The following ANKH variants were observed in gnomAD, a reference collection of about 807,000 sequenced individuals.
ANKH encodes the protein mineralization regulator ANKH.
ANKH carries 15 observed loss-of-function variants against 49.0 expected under a neutral mutation model. That is an observed-to-expected ratio of 0.31 (90% confidence interval 0.20 to 0.47). The LOEUF is 0.47. Ranked by LOEUF, ANKH falls within the 20% of genes least tolerant of loss-of-function variation. The probability of loss-of-function intolerance (pLI) is 1.00; values close to 1 mark genes in which losing one functional copy is unlikely to be tolerated. For synonymous variants in ANKH, 273 were observed against 260.0 expected (o/e 1.05, Z -0.48); for missense variants, 429 against 652.0 (o/e 0.66, Z 3.72).
chr5:14,847,801 C>A (rs557513875), intron 1 of ANKH, among the ~76,000 whole-genome samples: 2 of 152,300 alleles, frequency 1.3e-5, no homozygotes, highest in African/African-American at 4.8e-5. Flanking sequence ...TTACGAGACA[C>A]TAGGAAAATG....
intron 1 of ANKH, among the ~76,000 whole-genome samples, chr5:14,799,001 A>T (rs796883827): frequency 3.3e-5 from 5 of 152,364 alleles, no homozygotes; most frequent in African/African-American, 1.2e-4. Context: ...CAAGTTGTGC[A>T]TGTAGAGGGA....
At chr5:14,715,855 C>T (rs1456366904) in intron 9 of ANKH, among the ~76,000 whole-genome samples, 2 of 152,242 alleles carry the variant, frequency 1.3e-5, no homozygotes, top group South Asian at 2.1e-4. Context: ...GGTATAATAA[C>T]TTTCCAACTG....
At chr5:14,813,303 T>C (rs1361902551) in intron 1 of ANKH, among the ~76,000 whole-genome samples, 1 of 151,364 alleles carries the variant, frequency 6.6e-6, no homozygotes, top group Non-Finnish European at 1.5e-5. Context: ...CTCAATGCAG[T>C]AAAGGTTTTG....
At chr5:14,721,634 A>G (rs1382210495) in intron 8 of ANKH, among the ~76,000 whole-genome samples, 3 of 152,210 alleles carry the variant, frequency 2.0e-5, no homozygotes, top group Non-Finnish European at 2.9e-5. Context: ...CATTTAACTT[A>G]TAAGTGGATA....
At chr5:14,818,930 T>A (rs1348656282) in intron 1 of ANKH, among the ~76,000 whole-genome samples, 1 of 152,196 alleles carries the variant, frequency 6.6e-6, no homozygotes, top group Admixed American at 6.5e-5. Context: ...GAAGAGCTAC[T>A]TTTGAAAAAA....
intron 1 of ANKH, among the ~76,000 whole-genome samples, chr5:14,833,230 AT>A (rs1265697901): frequency 2.0e-5 from 3 of 152,182 alleles, no homozygotes; most frequent in African/African-American, 7.2e-5. Context: ...ATTGCCATAT[AT>A]TTTGGAAGTT....
intron 1 of ANKH, among the ~76,000 whole-genome samples, chr5:14,866,136 AG>A (rs1735637847): frequency 6.6e-6 from 1 of 152,178 alleles, no homozygotes. Context: ...CCTCCCAAGT[AG>A]CTGGGATTAC....
intron 1 of ANKH, among the ~76,000 whole-genome samples, chr5:14,855,430 T>G (rs1304406238): frequency 6.6e-6 from 1 of 152,226 alleles, no homozygotes; most frequent in Non-Finnish European, 1.5e-5. Context: ...AACAAATTCA[T>G]GAATATACTC....
intron 1 of ANKH, among the ~76,000 whole-genome samples, chr5:14,791,204 T>C (rs970825062): frequency 6.6e-6 from 1 of 152,180 alleles, no homozygotes; most frequent in Non-Finnish European, 1.5e-5. Context: ...TGTGTTATCT[T>C]AGGCCCCTTC....
At chr5:14,718,977 T>TAA (rs1737578611) in intron 8 of ANKH, among the ~76,000 whole-genome samples, 3 of 149,836 alleles carry the variant, frequency 2.0e-5, no homozygotes, top group African/African-American at 7.4e-5. Flanking sequence ...AGAAGAGAGT[T>TAA]AAAGAAACAA....
At chr5:14,833,785 A>T (rs1741576533) in intron 1 of ANKH, among the ~76,000 whole-genome samples, 1 of 152,216 alleles carries the variant, frequency 6.6e-6, no homozygotes, top group Non-Finnish European at 1.5e-5. Flanking sequence ...GCATAGTTAC[A>T]TCCCCTTATG....
At chr5:14,807,254 A>G (rs1450280013) in intron 1 of ANKH, among the ~76,000 whole-genome samples, 2 of 151,810 alleles carry the variant, frequency 1.3e-5, no homozygotes, top group Non-Finnish European at 2.9e-5. Context: ...AGCTGGGACT[A>G]TAGGCACACA....
intron 1 of ANKH, among the ~76,000 whole-genome samples, chr5:14,830,473 T>G (rs956758760): frequency 6.6e-6 from 1 of 151,846 alleles, no homozygotes; most frequent in African/African-American, 2.4e-5. Context: ...AGTTATTCCC[T>G]GATGGCTTGG....
chr5:14,843,549 GAAAAAAAAAA>G (rs60487783), intron 1 of ANKH, among the ~76,000 whole-genome samples: 1 of 61,034 alleles, frequency 1.6e-5, no homozygotes, highest in Non-Finnish European at 2.9e-5. Flanking sequence ...GGGGATTAGC[GAAAAAAAAAA>G]AAAAAAAAAA....
rs372301335 is a variant in ANKH at position 14,716,492 on chromosome 5, C to CAATAAATA, written c.1141+206_1141+213dup. 0.014 allele frequency among the ~76,000 whole-genome samples: 2,078 copies of CAATAAATA among 151,546 alleles called. 62 individuals are homozygous for CAATAAATA. Among genetic ancestry groups the CAATAAATA allele is most frequent in the African/African-American group, 0.048 (1,979 of 41,208 alleles). On this transcript the variant is annotated intron_variant, in intron 9 of 11. Coordinates refer to ENST00000284268, the MANE Select transcript of ANKH (RefSeq NM_054027.6). ...GGGTGACGGAATGAAACTCTGTCTCCAATAAATAAATAAATAAATAAATAA... is the reference window on the plus strand; with the variant it reads ...GGGTGACGGAATGAAACTCTGTCTCCAATAAATAAATAAATAAATAAATAAATAAATAA...
chr5:14,733,248 TG>T (rs1231492399), intron 8 of ANKH, among the ~76,000 whole-genome samples: 2 of 152,202 alleles, frequency 1.3e-5, no homozygotes, highest in Admixed American at 1.3e-4. Context: ...AGCCTTGTAC[TG>T]GGCTCAGAAG....
chr5:14,849,950 G>A (rs1341873000), intron 1 of ANKH, among the ~76,000 whole-genome samples: 1 of 152,102 alleles, frequency 6.6e-6, no homozygotes, highest in African/African-American at 2.4e-5. Context: ...TCCCTAGGAT[G>A]CACCCTCCAG....
chr5:14,776,078 C>T (rs1040740956), intron 1 of ANKH, among the ~76,000 whole-genome samples: 3 of 152,196 alleles, frequency 2.0e-5, no homozygotes, highest in African/African-American at 4.8e-5. Flanking sequence ...ATGCTTCCCA[C>T]GTTTCTTCCC....
chr5:14,832,516 A>T (rs1252246690), intron 1 of ANKH, among the ~76,000 whole-genome samples: 1 of 152,258 alleles, frequency 6.6e-6, no homozygotes, highest in African/African-American at 2.4e-5. Flanking sequence ...AACAGATTAC[A>T]TTCAGTAAGT....
Sources: gnomAD v4.1 joint callset for allele counts (sites outside exome capture counted in the v4.1 genomes callset) on GRCh38, gnomAD v4.1.1 for gene constraint, MANE v1.5 for transcripts, NCBI Gene and HGNC (gene_info 2026-07-23, HGNC 2026-07-21) for gene names.